NOTCH2: variants seen among roughly 807,000 people sequenced by gnomAD.
The protein encoded by NOTCH2 is neurogenic locus notch homolog protein 2.
NOTCH2 carries 29 observed loss-of-function variants against 235.8 expected under a neutral mutation model. That is an observed-to-expected ratio of 0.12 (90% CI 0.09 to 0.17). The LOEUF is 0.17. NOTCH2 is among the 10% of genes least tolerant of loss of function. The pLI, the probability that NOTCH2 is intolerant of heterozygous loss-of-function variation, is 1.00. For missense variants in NOTCH2, 2,285 were observed against 3,150.2 expected (o/e 0.73, Z 6.57); for synonymous variants, 1,086 against 1,141.5 (o/e 0.95, Z 0.98).
chr1:119,948,175 T>C (rs1650329324), intron 17 of NOTCH2, among the ~76,000 whole-genome samples: 1 of 152,236 alleles, frequency 6.6e-6, no homozygotes, highest in African/African-American at 2.4e-5. Context: ...CATAGCATTG[T>C]CCTCACATTT....
intron 4 of NOTCH2, 156 bp downstream of exon 4, chr1:119,996,841 G>T (rs1553204246): frequency 1.2e-6 from 1 of 811,676 alleles, no homozygotes; most frequent in Non-Finnish European, 2.1e-6. Flanking sequence ...ACCACAGTGG[G>T]CCCATAAAAC....
intron 2 of NOTCH2, among the ~76,000 whole-genome samples, chr1:120,026,967 T>C (rs1553210065): frequency 7.0e-6 from 1 of 142,288 alleles, no homozygotes; most frequent in Admixed American, 7.0e-5. Flanking sequence ...TTTTTTTTTT[T>C]TGGAGACACA....
At chr1:119,931,626 G>A (rs1313029053) in intron 22 of NOTCH2, among the ~76,000 whole-genome samples, 2 of 151,966 alleles carry the variant, frequency 1.3e-5, no homozygotes, top group Non-Finnish European at 2.9e-5. Flanking sequence ...ATACACATGG[G>A]AATTTAGAAT....
At chr1:120,029,366 T>C (rs1192481575) in intron 2 of NOTCH2, among the ~76,000 whole-genome samples, 8 of 152,162 alleles carry the variant, frequency 5.3e-5, no homozygotes, top group African/African-American at 1.9e-4. Flanking sequence ...TTTATTTCTT[T>C]TTGAGATGGA....
At chr1:119,959,696 A>C (rs587670292) in intron 11 of NOTCH2, among the ~76,000 whole-genome samples, 194 bp from the exon 12 acceptor site, 3 of 152,224 alleles carry the variant, frequency 2.0e-5, no homozygotes, top group Non-Finnish European at 2.9e-5. Flanking sequence ...GGATTTTATT[A>C]ATCATACTTA....
At chr1:119,917,848 C>T in intron 32 of NOTCH2, 86 bp from the exon 33 acceptor site, 1 of 875,100 alleles carries the variant, frequency 1.1e-6, no homozygotes, top group African/African-American at 1.6e-5. Flanking sequence ...TCTTAAACTC[C>T]CCAGAGATCA....
rs1650698971 is a variant in NOTCH2, at chr1:119,956,303, AG to A, written c.2027-1072del. Among the ~76,000 whole-genome samples the A allele has an allele frequency of 4.6e-5, 7 of 152,384 alleles. No homozygotes were observed. In the South Asian group the frequency reaches 1.4e-3, roughly 32 times the overall value. ...ATAATTCTATAAATGAGTGGCATCA[AG>A]CAACTGCTATGAATTTATATATTTC... On this transcript the variant is annotated intron_variant, in intron 12 of 33. Transcript: ENST00000256646.
chr1:119,927,007 G>C (rs587775667), intron 23 of NOTCH2, among the ~76,000 whole-genome samples: 16 of 152,334 alleles, frequency 1.1e-4, no homozygotes, highest in African/African-American at 3.1e-4. Flanking sequence ...CTTCATAGGA[G>C]AGGCTACACC....
chr1:119,952,008 A>T (rs1292516377), intron 14 of NOTCH2, among the ~76,000 whole-genome samples: 1 of 152,262 alleles, frequency 6.6e-6, no homozygotes, highest in Non-Finnish European at 1.5e-5. Flanking sequence ...TGTTTCAAGT[A>T]ATCAAATAAA....
chr1:120,007,642 G>A (rs1428346979), intron 2 of NOTCH2, among the ~76,000 whole-genome samples: 17 of 151,800 alleles, frequency 1.1e-4, no homozygotes, highest in African/African-American at 3.4e-4. Flanking sequence ...GTGAGCCAAC[G>A]AGATTGTGCC....
intron 17 of NOTCH2, among the ~76,000 whole-genome samples, chr1:119,944,318 A>T (rs1213655554): frequency 6.6e-6 from 1 of 151,978 alleles, no homozygotes; most frequent in Non-Finnish European, 1.5e-5. Context: ...GACGGATAAC[A>T]AGATCAGGAG....
intron 1 of NOTCH2, among the ~76,000 whole-genome samples, chr1:120,064,603 A>G (rs1553216750): frequency 6.6e-6 from 1 of 151,820 alleles, no homozygotes; most frequent in African/African-American, 2.4e-5. Flanking sequence ...TAGTACAGAG[A>G]AGAAATGTGT....
At position 119,937,462 on chromosome 1, in the gene NOTCH2, C is replaced by T. The variant is rs1553195883; in HGVS notation, c.3342G>A (p.Val1114=). 6.2e-7 allele frequency: 1 copy of T among 1,613,256 alleles called. No individual in the cohort carries two copies. Among genetic ancestry groups the T allele is most frequent in the African/African-American group, 1.3e-5 (1 of 75,030 alleles). Residue 1114 remains valine, a synonymous_variant, in exon 21 of 34, where the codon GTG becomes GTA. Transcript: ENST00000256646. ...SCDIAASRRG[V]LVEHLCQHSG... is the part of the protein sequence containing the mutation. ...AGTGCTGGCACAAGTGTTCAACAAG[C>T]ACACCTGGGAAACCCAGTGAGGGAG...
At chr1:119,983,867 C>T (rs1250024496) in intron 5 of NOTCH2, among the ~76,000 whole-genome samples, 2 of 152,142 alleles carry the variant, frequency 1.3e-5, no homozygotes, top group East Asian at 3.8e-4. Context: ...TCCAAATCTC[C>T]ATTTATTTAA....
intron 12 of NOTCH2, among the ~76,000 whole-genome samples, chr1:119,956,976 G>T (rs1235184326): frequency 1.3e-5 from 2 of 152,226 alleles, no homozygotes; most frequent in African/African-American, 4.8e-5. Context: ...AAGTTACCCA[G>T]TGTTTCTTCT....
intron 3 of NOTCH2, among the ~76,000 whole-genome samples, chr1:119,999,172 C>T (rs1415987532): frequency 1.3e-5 from 2 of 148,676 alleles, no homozygotes; most frequent in African/African-American, 2.6e-5. Flanking sequence ...GTCTTTATAG[C>T]AGCACGATTT....
intron 11 of NOTCH2, among the ~76,000 whole-genome samples, chr1:119,963,090 G>C (rs1553199209): frequency 6.6e-6 from 1 of 151,586 alleles, no homozygotes; most frequent in African/African-American, 2.4e-5. Context: ...CCAGAGACAA[G>C]TGACTGAAGA....
At chr1:120,041,071 A>AAT (rs1220089886) in intron 1 of NOTCH2, among the ~76,000 whole-genome samples, 4,583 of 76,148 alleles carry the variant, frequency 0.06, 319 homozygotes, top group South Asian at 0.081. Flanking sequence ...AAAAAAAAAA[A>AAT]ATATATATAT....
chr1:119,988,851 T>C (rs1332513789), intron 4 of NOTCH2, among the ~76,000 whole-genome samples: 1 of 152,304 alleles, frequency 6.6e-6, no homozygotes, highest in Admixed American at 6.5e-5. Flanking sequence ...GAAGCCCTTG[T>C]AGCTCAACTA....
Sources: allele counts gnomAD v4.1 joint callset (sites outside exome capture counted in the v4.1 genomes callset), GRCh38; gene constraint gnomAD v4.1.1; transcripts MANE v1.5; gene names NCBI Gene and HGNC (gene_info 2026-07-23, HGNC 2026-07-21).